Variants in MTFR1 observed in about 807,000 individuals in gnomAD.
MTFR1 encodes the protein mitochondrial fission regulator 1.
A neutral mutation model predicts 38.8 loss-of-function variants in MTFR1; 28 were observed. The observed-to-expected ratio is 0.72, with a 90% CI of 0.53 to 0.99. The LOEUF (loss-of-function observed/expected upper bound fraction) is 0.99, where lower values mean the gene tolerates loss of function less well. Among genes scored for constraint, MTFR1 ranks in the 50% least tolerant of loss-of-function variants. The pLI, the probability that MTFR1 is intolerant of heterozygous loss-of-function variation, is 0.00. For missense variants in MTFR1, 358 were observed against 395.5 expected, an observed-to-expected ratio of 0.91 and a Z score of 0.81; for synonymous variants, 145 against 137.0, an observed-to-expected ratio of 1.06 and a Z score of -0.41.
At chr8:65,739,208 T>C (rs1311546924) in intron 3 of MTFR1, among the ~76,000 whole-genome samples, 5 of 152,244 alleles carry the variant, frequency 3.3e-5, no homozygotes, top group Admixed American at 6.5e-5. Context: ...CAGAAGACTA[T>C]GTAGAGCCGA....
chr8:65,665,279 TG>T (rs992305904), intron 1 of MTFR1, among the ~76,000 whole-genome samples: 11 of 152,266 alleles, frequency 7.2e-5, no homozygotes, highest in Admixed American at 6.5e-4. Context: ...CCTTTCTCCT[TG>T]CCTGTTTTTT....
intron 1 of MTFR1, among the ~76,000 whole-genome samples, chr8:65,645,691 T>TC (rs1808940320): frequency 4.8e-5 from 5 of 105,068 alleles, no homozygotes; most frequent in African/African-American, 8.4e-5. Context: ...ACGCCCGGCT[T>TC]TCCCCCCCCC....
At chr8:65,747,902 A>G in intron 3 of MTFR1, 1 of 578,606 alleles carries the variant, frequency 1.7e-6, no homozygotes, top group East Asian at 3.2e-5. Context: ...ATTTTTAAAA[A>G]TTCATTTAAA....
At chr8:65,708,148 A>G in intron 7 of MTFR1, 137 bp downstream of exon 7, 4 of 1,561,010 alleles carry the variant, frequency 2.6e-6, no homozygotes, top group Non-Finnish European at 3.5e-6. Context: ...TCCCTGCCTT[A>G]CAAGTAGATC....
At chr8:65,657,879 C>T (rs1003577425) in intron 1 of MTFR1, among the ~76,000 whole-genome samples, 1 of 152,114 alleles carries the variant, frequency 6.6e-6, no homozygotes, top group African/African-American at 2.4e-5. Context: ...TAGTAGTTAG[C>T]ATATCCATCA....
In MTFR1 at chr8:65,707,213, A is replaced by T; in HGVS notation, c.721A>T (p.Ile241Phe). The part of the protein sequence containing the change: ...KKPEMPNMLE[I>F]LKEMNSVKLR... ...ACCTGAAATGCCAAATATGCTAGAGATCCTTAAAGAGATGAACAGTGTAAA... is the reference window on the plus strand; with the variant it reads ...ACCTGAAATGCCAAATATGCTAGAGTTCCTTAAAGAGATGAACAGTGTAAA... Residue 241 changes from isoleucine to phenylalanine, a missense_variant, in exon 6 of 8, where the codon ATC (isoleucine) becomes TTC (phenylalanine). By Grantham distance (21) the Ile-to-Phe change is conservative (BLOSUM62 0). Transcript: ENST00000262146. 6.2e-7 allele frequency: 1 copy of T among 1,614,240 alleles called. No individual in the cohort carries two copies. Among genetic ancestry groups the T allele is most frequent in the Non-Finnish European group, 8.5e-7 (1 of 1,180,028 alleles).
At chr8:65,769,526 G>A (rs1309183096) in intron 3 of MTFR1, among the ~76,000 whole-genome samples, 1 of 152,150 alleles carries the variant, frequency 6.6e-6, no homozygotes, top group Non-Finnish European at 1.5e-5. Context: ...GTTTCAAAAT[G>A]TCTTCCCAAA....
intron 4 of MTFR1, among the ~76,000 whole-genome samples, chr8:65,701,741 C>G (rs956289228): frequency 2.0e-5 from 3 of 152,138 alleles, no homozygotes; most frequent in African/African-American, 7.2e-5. Context: ...ATGGAATGTG[C>G]TGTTTTTTAA....
chr8:65,706,280 C>T (rs920282370), intron 5 of MTFR1, among the ~76,000 whole-genome samples: 6 of 152,320 alleles, frequency 3.9e-5, no homozygotes, highest in Non-Finnish European at 8.8e-5. Flanking sequence ...AATTTTGAAG[C>T]TCTATTTATA....
chr8:65,702,612 C>G (rs1295923854), intron 4 of MTFR1, among the ~76,000 whole-genome samples: 1 of 151,824 alleles, frequency 6.6e-6, no homozygotes, highest in Non-Finnish European at 1.5e-5. Flanking sequence ...TTTTTTTTCC[C>G]TGGATTCTAG....
downstream of MTFR1, among the ~76,000 whole-genome samples, chr8:65,775,117 AT>A (rs1286773269): frequency 2.0e-5 from 3 of 152,026 alleles, no homozygotes; most frequent in Non-Finnish European, 4.4e-5. Context: ...CGATTCTTAT[AT>A]TTTCTCTTTA....
intron 3 of MTFR1, among the ~76,000 whole-genome samples, chr8:65,688,522 C>T (rs1352774781): frequency 7.4e-5 from 11 of 147,838 alleles, no homozygotes; most frequent in Non-Finnish European, 1.5e-5. Context: ...AATCTCGGCT[C>T]ACTGCAAGCT....
At chr8:65,719,035 G>C (rs142722562) in intron 2 of MTFR1, 3 of 514,314 alleles carry the variant, frequency 5.8e-6, no homozygotes, top group Non-Finnish European at 1.1e-5. Flanking sequence ...TACTCCTTTC[G>C]GATTCTCTCC....
At chr8:65,706,760 C>T (rs1392608648) in intron 5 of MTFR1, among the ~76,000 whole-genome samples, 1 of 152,128 alleles carries the variant, frequency 6.6e-6, no homozygotes, top group Non-Finnish European at 1.5e-5. Context: ...CATTTGATAT[C>T]ACAAAAACAC....
At chr8:65,752,990 T>C (rs949879694) in intron 3 of MTFR1, among the ~76,000 whole-genome samples, 4 of 152,254 alleles carry the variant, frequency 2.6e-5, no homozygotes, top group Non-Finnish European at 4.4e-5. Context: ...ACATGTCTAA[T>C]GCAACTGAAC....
chr8:65,715,774 A>G (rs1806109189), intron 2 of MTFR1, among the ~76,000 whole-genome samples: 2 of 148,500 alleles, frequency 1.3e-5, no homozygotes, highest in African/African-American at 2.4e-5. Flanking sequence ...TCACGAGGTC[A>G]GGAGATTGAG....
chr8:65,661,780 A>G (rs970789155), intron 1 of MTFR1, among the ~76,000 whole-genome samples: 5 of 152,122 alleles, frequency 3.3e-5, no homozygotes, highest in African/African-American at 1.2e-4. Flanking sequence ...CCTGGCCAAC[A>G]TGGCAAAACC....
intron 3 of MTFR1, among the ~76,000 whole-genome samples, chr8:65,692,251 C>T (rs911197600): frequency 6.6e-6 from 1 of 152,130 alleles, no homozygotes; most frequent in Non-Finnish European, 1.5e-5. Context: ...GACTTTTTGA[C>T]TCAGGCATTA....
downstream of MTFR1, among the ~76,000 whole-genome samples, chr8:65,774,466 T>G (rs988741766): frequency 2.6e-5 from 4 of 152,112 alleles, no homozygotes; most frequent in African/African-American, 4.8e-5. Flanking sequence ...CTCAGGCTTT[T>G]AGAGAGATAA....
Sources: gnomAD v4.1 joint callset for allele counts (sites outside exome capture counted in the v4.1 genomes callset) on GRCh38, gnomAD v4.1.1 for gene constraint, MANE v1.5 for transcripts, NCBI Gene and HGNC (gene_info 2026-07-23, HGNC 2026-07-21) for gene names.